The following GJB7 variants were observed in gnomAD, a reference collection of about 807,000 sequenced individuals.
GJB7 encodes the protein gap junction beta-7 protein.
For synonymous variants in GJB7, 87 were observed against 95.2 expected, an observed-to-expected ratio of 0.91 and a Z score of 0.50; for missense variants, 253 against 256.8, an observed-to-expected ratio of 0.99 and a Z score of 0.10.
intron 2 of GJB7, among the ~76,000 whole-genome samples, chr6:87,294,857 TACATATCCAGCCCATAG>T (rs1219006922): frequency 6.6e-6 from 1 of 152,226 alleles, no homozygotes; most frequent in African/African-American, 2.4e-5. Context: ...TTCCCCACAA[TACATATCCAGCCCATAG>T]ACTCTGAGTT....
chr6:87,320,194 A>G (rs1054851026), intron 2 of GJB7, among the ~76,000 whole-genome samples: 2 of 152,232 alleles, frequency 1.3e-5, no homozygotes, highest in Non-Finnish European at 2.9e-5. Context: ...AACATAAATG[A>G]TAAATCCTCG....
At chr6:87,302,287 T>A (rs1168875232) in intron 2 of GJB7, among the ~76,000 whole-genome samples, 1 of 150,956 alleles carries the variant, frequency 6.6e-6, no homozygotes, top group East Asian at 2.0e-4. Flanking sequence ...TGAAAAAAAA[T>A]TAGATGAATG....
chr6:87,318,482 T>G (rs539316199), intron 2 of GJB7, among the ~76,000 whole-genome samples: 4 of 152,328 alleles, frequency 2.6e-5, no homozygotes, highest in African/African-American at 9.6e-5. Context: ...CTTGCACACC[T>G]GTCTGGTCAA....
rs954938609 is a variant in GJB7 at position 87,322,897 on chromosome 6, C to T, written c.-59G>A. The stretch of plus-strand genomic sequence containing the variant: ...GGCTCCAGTTTGTTCGGTGCTTCAT[C>T]CATGGACACCCCCACCCCGAGAACT... On this transcript the variant is annotated 5_prime_UTR_variant, in exon 2 of 3. It introduces an in-frame stop codon into an upstream open reading frame of the 5' UTR. Coordinates refer to ENST00000525899, the MANE Select transcript of GJB7 (RefSeq NM_198568.3). 6.6e-6 allele frequency: 1 copy of T among 152,418 alleles called. No homozygotes were observed. Among genetic ancestry groups the T allele is most frequent in the Non-Finnish European group, 1.5e-5 (1 of 68,224 alleles). 9.4% of individuals were successfully genotyped at this position (152,418 alleles called of 1,614,324 possible).
intron 2 of GJB7, among the ~76,000 whole-genome samples, chr6:87,315,137 T>G (rs1463226706): frequency 1.3e-5 from 2 of 152,126 alleles, no homozygotes; most frequent in Non-Finnish European, 2.9e-5. Flanking sequence ...AAAGAGTTGT[T>G]TTCTGGATGC....
chr6:87,287,059 C>T (rs1235098793), intron 2 of GJB7, among the ~76,000 whole-genome samples: 1 of 152,200 alleles, frequency 6.6e-6, no homozygotes, highest in Non-Finnish European at 1.5e-5. Context: ...CTGTCCCCTA[C>T]CATTTGTGAC....
At chr6:87,295,213 G>A (rs1776233240) in intron 2 of GJB7, among the ~76,000 whole-genome samples, 1 of 152,146 alleles carries the variant, frequency 6.6e-6, no homozygotes, top group Non-Finnish European at 1.5e-5. Context: ...TGTGGGGAGG[G>A]CTGCCTCCAC....
At chr6:87,310,661 AT>A (rs1345380435) in intron 2 of GJB7, among the ~76,000 whole-genome samples, 3 of 152,030 alleles carry the variant, frequency 2.0e-5, no homozygotes, top group Admixed American at 6.6e-5. Flanking sequence ...ATAAAAAAAA[AT>A]AAACCAAATA....
chr6:87,289,610 A>G (rs1258150389), intron 2 of GJB7, among the ~76,000 whole-genome samples: 1 of 152,198 alleles, frequency 6.6e-6, no homozygotes, highest in African/African-American at 2.4e-5. Flanking sequence ...ATGTGGATGA[A>G]TCCCTTAGAA....
At chr6:87,299,114 C>A (rs1776285339) in intron 2 of GJB7, 2 of 487,880 alleles carry the variant, frequency 4.1e-6, no homozygotes, top group Non-Finnish European at 8.2e-6. Context: ...TATTGTACTG[C>A]CATGCTCTTT....
chr6:87,306,656 C>G (rs1776433048), intron 2 of GJB7, among the ~76,000 whole-genome samples: 1 of 151,874 alleles, frequency 6.6e-6, no homozygotes, highest in Admixed American at 6.6e-5. Flanking sequence ...ACCATTTGAC[C>G]CAGCCATCCC....
intron 2 of GJB7, among the ~76,000 whole-genome samples, chr6:87,290,065 A>T (rs1776140800): frequency 6.6e-6 from 1 of 152,190 alleles, no homozygotes; most frequent in African/African-American, 2.4e-5. Flanking sequence ...TGGGCACTTG[A>T]CCATTTATGC....
chr6:87,284,380 ATCG>A lies in GJB7; in HGVS notation c.530_532del (p.Thr177del), dbSNP rs762125084. On this transcript the variant is annotated inframe_deletion, in exon 3 of 3. Transcript: ENST00000525899. ...GGTGATGACCAAGAAGAGGATGAAGATCGTCTTCTCAGTGGGTTTGGAGATGAA... is the reference window on the plus strand; with the variant it reads ...GGTGATGACCAAGAAGAGGATGAAGATCTTCTCAGTGGGTTTGGAGATGAA... 6.2e-7 allele frequency: 1 copy of A among 1,614,068 alleles called. No homozygotes were observed. Among genetic ancestry groups the A allele is most frequent in the African/African-American group, 1.3e-5 (1 of 74,928 alleles).
chr6:87,288,312 A>G (rs542064948), intron 2 of GJB7, among the ~76,000 whole-genome samples: 2 of 152,344 alleles, frequency 1.3e-5, no homozygotes, highest in Non-Finnish European at 1.5e-5. Flanking sequence ...TCAGAGACCT[A>G]TCACTCTTTC....
intron 2 of GJB7, among the ~76,000 whole-genome samples, chr6:87,303,180 T>A (rs540580465): frequency 6.6e-6 from 1 of 152,214 alleles, no homozygotes; most frequent in Non-Finnish European, 1.5e-5. Context: ...ATAACAATAT[T>A]AACCTTAAAT....
At chr6:87,323,939 T>C (rs1776747016) in intron 1 of GJB7, among the ~76,000 whole-genome samples, 1 of 151,820 alleles carries the variant, frequency 6.6e-6, no homozygotes, top group African/African-American at 2.4e-5. Context: ...GCACCTGTTG[T>C]TTCCTGACTT....
Position 87,326,411 on chromosome 6 carries a change from T to C in GJB7, c.-206+2727A>G, listed in dbSNP as rs149329436. ...TTTATCTTGTGGGCATTTAGGGCTATAAATTTCCCTCTACATGCTGCTTTG... is the reference window on the plus strand; with the variant it reads ...TTTATCTTGTGGGCATTTAGGGCTACAAATTTCCCTCTACATGCTGCTTTG... On this transcript the variant is annotated intron_variant, in intron 1 of 2. Coordinates refer to ENST00000525899, the MANE Select transcript of GJB7 (RefSeq NM_198568.3). 1.3e-3 allele frequency among the ~76,000 whole-genome samples: 194 copies of C among 152,312 alleles called. 1 individual carries two copies. Among genetic ancestry groups the C allele is most frequent in the African/African-American group, 4.2e-3 (173 of 41,558 alleles).
At chr6:87,323,205 C>A (rs1248708845) in intron 1 of GJB7, among the ~76,000 whole-genome samples, 162 bp from the exon 2 acceptor site, 5 of 152,196 alleles carry the variant, frequency 3.3e-5, no homozygotes, top group Admixed American at 2.0e-4. Context: ...GCCAGCAAAG[C>A]CTTTCCCCTT....
At chr6:87,300,647 T>C (rs558701396) in intron 2 of GJB7, among the ~76,000 whole-genome samples, 2 of 152,360 alleles carry the variant, frequency 1.3e-5, no homozygotes, top group African/African-American at 2.4e-5. Flanking sequence ...CTACAAATAA[T>C]TTATTTTGTA....
Sources: gnomAD v4.1 joint callset for allele counts (sites outside exome capture counted in the v4.1 genomes callset) on GRCh38, gnomAD v4.1.1 for gene constraint, MANE v1.5 for transcripts, NCBI Gene and HGNC (gene_info 2026-07-23, HGNC 2026-07-21) for gene names.